The following CLMP variants were observed in gnomAD, a reference collection of about 807,000 sequenced individuals.
The protein encoded by CLMP is CXADR like cell adhesion molecule, also known as CXADR-like membrane protein.
A neutral mutation model predicts 45.2 loss-of-function variants in CLMP; 27 were observed. The ratio of observed to expected loss-of-function variants is 0.60; its 90% CI spans 0.44 to 0.82. The LOEUF is 0.82. CLMP is among the 40% of genes least tolerant of loss of function. The pLI is 0.00. For synonymous variants in CLMP, 167 were observed against 171.4 expected, an observed-to-expected ratio of 0.97 and a Z score of 0.20; for missense variants, 403 against 448.4, an observed-to-expected ratio of 0.90 and a Z score of 0.91.
At chr11:123,145,938 G>C (rs535995613) in intron 1 of CLMP, among the ~76,000 whole-genome samples, 2 of 152,304 alleles carry the variant, frequency 1.3e-5, no homozygotes, top group African/African-American at 4.8e-5. Flanking sequence ...TCCCTGGAGG[G>C]GAAGGCCCAT....
chr11:123,148,363 G>T (rs956237385), intron 1 of CLMP, among the ~76,000 whole-genome samples: 2 of 152,216 alleles, frequency 1.3e-5, no homozygotes, highest in Non-Finnish European at 2.9e-5. Context: ...AGAAGAAGGG[G>T]AGAAGAGCAT....
chr11:123,170,285 C>A (rs1475774742), intron 1 of CLMP, among the ~76,000 whole-genome samples: 2 of 152,100 alleles, frequency 1.3e-5, no homozygotes, highest in African/African-American at 4.8e-5. Flanking sequence ...TCAAATCCCT[C>A]TGATGAGACT....
intron 1 of CLMP, among the ~76,000 whole-genome samples, chr11:123,173,535 A>T (rs1861662579): frequency 6.6e-6 from 1 of 152,188 alleles, no homozygotes; most frequent in Non-Finnish European, 1.5e-5. Context: ...AATGCATATG[A>T]TCTCATCTTG....
chr11:123,106,226 A>T (rs1437127670), intron 1 of CLMP, among the ~76,000 whole-genome samples: 1 of 151,940 alleles, frequency 6.6e-6, no homozygotes, highest in Non-Finnish European at 1.5e-5. Context: ...AGTGTGGCTC[A>T]GGGAAGCAAA....
In CLMP at chr11:123,084,649, G is replaced by C. The variant is rs758618133; in HGVS notation, c.251C>G (p.Ala84Gly). 1 of 1,614,212 alleles carries C rather than the reference G, an allele frequency of 6.2e-7. No homozygotes were observed. The highest frequency in any genetic ancestry group is 8.5e-7 in the Non-Finnish European group (1 of 1,180,040). The change falls in exon 3 of 7, where the codon GCC (alanine) becomes GGC (glycine). Residue 84 changes from alanine (A) to glycine (G), a missense_variant. Physicochemically the swap from Ala to Gly is moderately conservative, Grantham distance 60. Coordinates refer to ENST00000448775, the MANE Select transcript of CLMP (RefSeq NM_024769.5). ...NLTEEQKGRV[A>G]FASNFLAGDA... ...TCCTGCCAGGAAATTGGAAGCAAAG[G>C]CCACTCGGCCCTTCTGTTCCTCAGT...
chr11:123,152,563 T>TAAATA (rs1199205471), intron 1 of CLMP, among the ~76,000 whole-genome samples: 11 of 150,060 alleles, frequency 7.3e-5, no homozygotes, highest in African/African-American at 2.7e-4. Flanking sequence ...AATAAATAAA[T>TAAATA]AAAAAATAAA....
At chr11:123,187,892 C>G (rs750717776) in intron 1 of CLMP, among the ~76,000 whole-genome samples, 5 of 152,138 alleles carry the variant, frequency 3.3e-5, no homozygotes, top group Non-Finnish European at 7.4e-5. Context: ...ATCAACCCAC[C>G]AACTGCTTAT....
At chr11:123,097,696 C>T in intron 2 of CLMP, 99 bp downstream of exon 2, 1 of 943,088 alleles carries the variant, frequency 1.1e-6, no homozygotes, top group Admixed American at 2.6e-5. Flanking sequence ...AAAAGGAACT[C>T]CAGCTCTTTC....
chr11:123,088,302 G>GA (rs1246998115), intron 2 of CLMP, among the ~76,000 whole-genome samples: 1 of 152,148 alleles, frequency 6.6e-6, no homozygotes, highest in African/African-American at 2.4e-5. Context: ...TTCACAACAG[G>GA]AAAAAACTGG....
chr11:123,170,633 G>T (rs919056401), intron 1 of CLMP, among the ~76,000 whole-genome samples: 4 of 152,070 alleles, frequency 2.6e-5, no homozygotes, highest in Non-Finnish European at 4.4e-5. Context: ...TACAGATGGG[G>T]TTTCACCATG....
At chr11:123,186,751 G>C (rs1861840746) in intron 1 of CLMP, among the ~76,000 whole-genome samples, 2 of 152,230 alleles carry the variant, frequency 1.3e-5, no homozygotes, top group African/African-American at 4.8e-5. Context: ...TTGAACTCCT[G>C]ACCTCCAGTG....
intron 5 of CLMP, among the ~76,000 whole-genome samples, chr11:123,075,642 C>T (rs1865730617): frequency 2.0e-5 from 3 of 151,988 alleles, no homozygotes; most frequent in Non-Finnish European, 1.5e-5. Flanking sequence ...CCTCCTCGTT[C>T]TCCCAAAGTG....
chr11:123,181,285 G>A (rs761715200), intron 1 of CLMP, among the ~76,000 whole-genome samples: 13 of 152,142 alleles, frequency 8.5e-5, no homozygotes, highest in Non-Finnish European at 1.8e-4. Context: ...TTTCCAGAGT[G>A]AGACTGAACA....
At chr11:123,098,977 G>A (rs1050393530) in intron 1 of CLMP, among the ~76,000 whole-genome samples, 2 of 152,068 alleles carry the variant, frequency 1.3e-5, no homozygotes, top group South Asian at 4.1e-4. Flanking sequence ...GCAGGCGTGA[G>A]CCACCGCGTC....
rs546467896 is a variant in CLMP at position 123,073,309 on chromosome 11, G to C, written c.*165C>G. ...CAGCTTACATCCTTTTGCTTGTTTGGTATTGTATAAGGAAAATGCTCATCT... is the reference window on the plus strand; with the variant it reads ...CAGCTTACATCCTTTTGCTTGTTTGCTATTGTATAAGGAAAATGCTCATCT... On this transcript the variant is annotated 3_prime_UTR_variant, in exon 7 of 7. Coordinates refer to ENST00000448775, the MANE Select transcript of CLMP (RefSeq NM_024769.5). The C allele has an allele frequency of 2.7e-6, 2 of 745,996 alleles. No homozygotes were observed. The highest frequency in any genetic ancestry group is 4.3e-6 in the Non-Finnish European group (2 of 466,696). 46.2% of individuals were successfully genotyped at this position (745,996 alleles called of 1,614,324 possible).
intron 1 of CLMP, chr11:123,191,546 T>C (rs886129064): frequency 2.6e-5 from 4 of 152,212 alleles, no homozygotes; most frequent in Non-Finnish European, 4.4e-5. Context: ...ATATACAAAA[T>C]AAATTTGTAT....
intron 1 of CLMP, among the ~76,000 whole-genome samples, chr11:123,107,062 A>T (rs1565384233): frequency 7.0e-6 from 1 of 142,924 alleles, no homozygotes; most frequent in African/African-American, 2.6e-5. Context: ...TACTTGCTGC[A>T]TTTTTTTTTT....
chr11:123,113,796 G>T (rs143316637), intron 1 of CLMP, among the ~76,000 whole-genome samples: 31 of 152,234 alleles, frequency 2.0e-4, no homozygotes, highest in African/African-American at 7.2e-4. Flanking sequence ...TAACAATCTG[G>T]TCCACAAAGA....
intron 1 of CLMP, among the ~76,000 whole-genome samples, chr11:123,152,868 T>C (rs1261337402): frequency 6.6e-6 from 1 of 152,100 alleles, no homozygotes; most frequent in Non-Finnish European, 1.5e-5. Context: ...ATCATATATG[T>C]CCCAAACATA....
Sources: allele counts gnomAD v4.1 joint callset (sites outside exome capture counted in the v4.1 genomes callset), GRCh38; gene constraint gnomAD v4.1.1; transcripts MANE v1.5; gene names NCBI Gene and HGNC (gene_info 2026-07-23, HGNC 2026-07-21).